Variants in SAXO4 observed in about 807,000 individuals in gnomAD.
SAXO4 encodes the protein stabilizer of axonemal microtubules 4, also known as protein phosphatase 1 regulatory subunit 32.
At chr11:61,486,432 C>T in the SAXO4 span, 15 of 1,613,854 alleles carry the variant, frequency 9.3e-6, no homozygotes, top group Non-Finnish European at 1.3e-5. Context: ...AGGCTGGGGA[C>T]CGCCTGGCGG....
the SAXO4 span, chr11:61,489,250 CGTGTCCTGTT>C: frequency 5.8e-6 from 1 of 170,944 alleles, no homozygotes; most frequent in African/African-American, 2.4e-5. Flanking sequence ...TCCAGCCTGT[CGTGTCCTGTT>C]GTGTCCTGAG....
chr11:61,485,749 A>G, the SAXO4 span: 1 of 1,418,560 alleles, frequency 7.0e-7, no homozygotes, highest in Non-Finnish European at 9.9e-7. Context: ...TCTGGAGGAC[A>G]CATGGGTGGG....
chr11:61,483,139 C>T, the SAXO4 span, among the ~76,000 whole-genome samples: 1 of 151,684 alleles, frequency 6.6e-6, no homozygotes, highest in Non-Finnish European at 1.5e-5. Flanking sequence ...TGGACATCCT[C>T]ACCCCATCTT....
chr11:61,483,951 T>A, the SAXO4 span, among the ~76,000 whole-genome samples: 7,922 of 148,978 alleles, frequency 0.053, 717 homozygotes, highest in African/African-American at 0.18. Flanking sequence ...TAAAAAAAAA[T>A]AAAGCCAGGC....
chr11:61,485,624 C>T, the SAXO4 span, among the ~76,000 whole-genome samples: 5 of 152,010 alleles, frequency 3.3e-5, no homozygotes, highest in Admixed American at 3.3e-4. Context: ...GCTGCTCCCT[C>T]TCCTGTCCTC....
the SAXO4 span, among the ~76,000 whole-genome samples, chr11:61,485,614 G>A: frequency 2.0e-5 from 3 of 151,958 alleles, no homozygotes; most frequent in African/African-American, 7.2e-5. Flanking sequence ...TGCCCTTCCT[G>A]CTGCTCCCTC....
chr11:61,486,056 G>A, the SAXO4 span: 1 of 667,746 alleles, frequency 1.5e-6, no homozygotes, highest in African/African-American at 1.8e-5. Flanking sequence ...CACTGCTTTG[G>A]TCCAAGTCCC....
At chr11:61,483,529 T>C in the SAXO4 span, among the ~76,000 whole-genome samples, 7 of 152,072 alleles carry the variant, frequency 4.6e-5, no homozygotes, top group Non-Finnish European at 8.8e-5. Flanking sequence ...ACCACCAAAA[T>C]GGACACTCAT....
chr11:61,482,599 C>T, the SAXO4 span: 10 of 1,612,698 alleles, frequency 6.2e-6, no homozygotes, highest in South Asian at 9.9e-5. Flanking sequence ...GAGGGAAGCT[C>T]CTTAGCAGAG....
the SAXO4 span, chr11:61,486,219 G>A: frequency 1.0e-6 from 1 of 952,550 alleles, no homozygotes; most frequent in Non-Finnish European, 1.6e-6. Flanking sequence ...TCTCAGTGAT[G>A]CCCATTTGAG....
chr11:61,490,882 C>T, the SAXO4 span: 1 of 444,314 alleles, frequency 2.3e-6, no homozygotes, highest in Non-Finnish European at 4.1e-6. Flanking sequence ...CAGGGGAACA[C>T]CCCTGCCCAG....
At chr11:61,487,753 G>A in the SAXO4 span, among the ~76,000 whole-genome samples, 109 of 152,276 alleles carry the variant, frequency 7.2e-4, no homozygotes, top group African/African-American at 2.5e-3. Context: ...AGGGAGTCTG[G>A]AGCAGCAGCA....
the SAXO4 span, chr11:61,481,659 A>T: frequency 1.9e-6 from 1 of 526,126 alleles, no homozygotes; most frequent in Non-Finnish European, 3.3e-6. Flanking sequence ...GAGCTGGGGC[A>T]GAGAGACAGA....
chr11:61,481,918 G>A, the SAXO4 span: 54 of 1,577,550 alleles, frequency 3.4e-5, no homozygotes, highest in Middle Eastern at 3.4e-4. Flanking sequence ...CACCGCCTAC[G>A]GTGAGGGTGC....
the SAXO4 span, chr11:61,486,010 T>G: frequency 3.6e-6 from 3 of 844,402 alleles, no homozygotes; most frequent in Non-Finnish European, 5.6e-6. Flanking sequence ...CAGAGCCCTT[T>G]GTTCAAACAC....
chr11:61,490,110 C>T, the SAXO4 span, among the ~76,000 whole-genome samples: 1 of 152,008 alleles, frequency 6.6e-6, no homozygotes, highest in Non-Finnish European at 1.5e-5. Flanking sequence ...GCACAGGCTC[C>T]TCCCCTCCTC....
At chr11:61,484,815 A>C in the SAXO4 span, 2 of 1,583,454 alleles carry the variant, frequency 1.3e-6, no homozygotes, top group Non-Finnish European at 1.7e-6. Context: ...AACTTCCGAC[A>C]TGTGAGTGGC....
chr11:61,489,994 C>T, the SAXO4 span: 2 of 1,549,002 alleles, frequency 1.3e-6, no homozygotes, highest in Non-Finnish European at 1.8e-6. Context: ...CTCATCCAGG[C>T]CGTGTGCCAG....
the SAXO4 span, chr11:61,486,433 C>T: frequency 7.4e-6 from 12 of 1,613,568 alleles, no homozygotes; most frequent in African/African-American, 5.3e-5. Flanking sequence ...GGCTGGGGAC[C>T]GCCTGGCGGG....
Sources: allele counts gnomAD v4.1 joint callset (sites outside exome capture counted in the v4.1 genomes callset), GRCh38; gene constraint gnomAD v4.1.1; transcripts MANE v1.5; gene names NCBI Gene and HGNC (gene_info 2026-07-23, HGNC 2026-07-21).